PPARGC1A: variants seen among roughly 807,000 people sequenced by gnomAD.
The protein encoded by PPARGC1A is PPARG coactivator 1 alpha.
PPARGC1A carries 25 observed loss-of-function variants against 88.7 expected under a neutral mutation model. The observed-to-expected ratio is 0.28, with a 90% CI of 0.21 to 0.39. PPARGC1A has a LOEUF of 0.39. Ranked by LOEUF, PPARGC1A falls within the 10% of genes least tolerant of loss-of-function variation. The pLI, the probability that PPARGC1A is intolerant of heterozygous loss-of-function variation, is 1.00. For missense variants in PPARGC1A, 880 were observed against 968.7 expected, an observed-to-expected ratio of 0.91 and a Z score of 1.22; for synonymous variants, 363 against 355.6, an observed-to-expected ratio of 1.02 and a Z score of -0.24.
the PPARGC1A span, among the ~76,000 whole-genome samples, chr4:23,979,554 C>T: frequency 6.6e-6 from 1 of 152,138 alleles, no homozygotes; most frequent in African/African-American, 2.4e-5. Flanking sequence ...AATCCAAGAT[C>T]CTGAGAGTCA....
At chr4:23,955,586 T>C in the PPARGC1A span, among the ~76,000 whole-genome samples, 3 of 152,068 alleles carry the variant, frequency 2.0e-5, no homozygotes, top group Non-Finnish European at 4.4e-5. Flanking sequence ...AGCAACAGCA[T>C]TGGGTGAAAA....
the PPARGC1A span, among the ~76,000 whole-genome samples, chr4:23,976,366 G>C: frequency 6.6e-6 from 1 of 152,216 alleles, no homozygotes; most frequent in Non-Finnish European, 1.5e-5. Context: ...AAAGGAGGGT[G>C]AGGGTGGGGA....
chr4:24,131,845 T>A, the PPARGC1A span, among the ~76,000 whole-genome samples: 1 of 152,186 alleles, frequency 6.6e-6, no homozygotes, highest in Non-Finnish European at 1.5e-5. Context: ...CGTCCAAACA[T>A]ACCTCTCATG....
the PPARGC1A span, among the ~76,000 whole-genome samples, chr4:24,417,250 G>A: frequency 1.3e-5 from 2 of 152,202 alleles, no homozygotes; most frequent in Non-Finnish European, 2.9e-5. Context: ...CAGTATTAAA[G>A]CAGTCAAATC....
At chr4:24,151,807 A>G in the PPARGC1A span, among the ~76,000 whole-genome samples, 8 of 152,154 alleles carry the variant, frequency 5.3e-5, no homozygotes, top group African/African-American at 1.9e-4. Flanking sequence ...ACTTAACACT[A>G]TGGCATCCCA....
At chr4:23,964,663 A>C in the PPARGC1A span, among the ~76,000 whole-genome samples, 1 of 152,162 alleles carries the variant, frequency 6.6e-6, no homozygotes, top group Non-Finnish European at 1.5e-5. Flanking sequence ...AGTCATATGA[A>C]GGGATGAGAT....
At chr4:24,147,960 C>A in the PPARGC1A span, among the ~76,000 whole-genome samples, 1,712 of 147,876 alleles carry the variant, frequency 0.012, 36 homozygotes, top group East Asian at 0.097. Context: ...AACAAACAAA[C>A]AAAAAAAATA....
chr4:24,028,002 C>T, the PPARGC1A span, among the ~76,000 whole-genome samples: 2 of 152,234 alleles, frequency 1.3e-5, no homozygotes, highest in East Asian at 3.9e-4. Context: ...TTATCATCCC[C>T]ATTTAATAGG....
At chr4:24,109,405 G>A in the PPARGC1A span, among the ~76,000 whole-genome samples, 1 of 152,066 alleles carries the variant, frequency 6.6e-6, no homozygotes, top group Non-Finnish European at 1.5e-5. Context: ...GGGGTTGTGG[G>A]TGGGAAGGAG....
chr4:24,328,623 A>G, the PPARGC1A span, among the ~76,000 whole-genome samples: 2 of 152,162 alleles, frequency 1.3e-5, no homozygotes, highest in South Asian at 2.1e-4. Flanking sequence ...TTCCCAGCAT[A>G]GGCTACTTTT....
chr4:24,341,124 C>T, the PPARGC1A span, among the ~76,000 whole-genome samples: 1 of 151,524 alleles, frequency 6.6e-6, no homozygotes, highest in Admixed American at 6.6e-5. Flanking sequence ...GCTAATCCTA[C>T]GGGAAGGAAA....
chr4:24,188,853 T>C, the PPARGC1A span, among the ~76,000 whole-genome samples: 5 of 152,256 alleles, frequency 3.3e-5, no homozygotes, highest in South Asian at 8.3e-4. Context: ...CCCCTATTCA[T>C]GTCAGCATTA....
chr4:24,245,562 G>A, the PPARGC1A span, among the ~76,000 whole-genome samples: 1 of 152,184 alleles, frequency 6.6e-6, no homozygotes, highest in Non-Finnish European at 1.5e-5. Context: ...TCCCTACTAT[G>A]CAGAAGTTAA....
At chr4:24,334,324 C>T in the PPARGC1A span, among the ~76,000 whole-genome samples, 8 of 152,262 alleles carry the variant, frequency 5.3e-5, no homozygotes, top group South Asian at 4.1e-4. Flanking sequence ...AAGCTCTACT[C>T]GCATTCCAGC....
At chr4:24,081,897 T>G in the PPARGC1A span, among the ~76,000 whole-genome samples, 1 of 152,086 alleles carries the variant, frequency 6.6e-6, no homozygotes, top group Non-Finnish European at 1.5e-5. Context: ...CAGCTCTGGG[T>G]CTATTCATTT....
At chr4:24,232,282 C>A in the PPARGC1A span, among the ~76,000 whole-genome samples, 1 of 152,106 alleles carries the variant, frequency 6.6e-6, no homozygotes. Context: ...GAAGTAACCC[C>A]GCGAAATCAC....
the PPARGC1A span, among the ~76,000 whole-genome samples, chr4:24,042,258 CATA>C: frequency 6.6e-6 from 1 of 152,118 alleles, no homozygotes; most frequent in African/African-American, 2.4e-5. Flanking sequence ...CTGGTGGCTT[CATA>C]ATATTAAAAA....
the PPARGC1A span, among the ~76,000 whole-genome samples, chr4:24,259,104 C>T: frequency 3.9e-5 from 6 of 152,122 alleles, no homozygotes; most frequent in Non-Finnish European, 7.3e-5. Context: ...AAAGATGGCA[C>T]CTTCAGAAAA....
At chr4:24,207,661 T>C in the PPARGC1A span, among the ~76,000 whole-genome samples, 3 of 152,256 alleles carry the variant, frequency 2.0e-5, no homozygotes, top group Non-Finnish European at 4.4e-5. Context: ...TTATCAAGCA[T>C]TGTGATGCCT....
Sources: allele counts gnomAD v4.1 joint callset (sites outside exome capture counted in the v4.1 genomes callset), GRCh38; gene constraint gnomAD v4.1.1; transcripts MANE v1.5; gene names NCBI Gene and HGNC (gene_info 2026-07-23, HGNC 2026-07-21).